DPY19L4: variants seen among roughly 807,000 people sequenced by gnomAD.
DPY19L4 encodes the protein probable C-mannosyltransferase DPY19L4.
DPY19L4 carries 97 observed loss-of-function variants against 102.8 expected under a neutral mutation model. That is an observed-to-expected ratio of 0.94 (90% CI 0.80 to 1.12). The LOEUF is 1.12. Among genes scored for constraint, DPY19L4 ranks in the 50% most tolerant of loss-of-function variants. The probability of loss-of-function intolerance (pLI) is 0.00; values close to 1 mark genes in which losing one functional copy is unlikely to be tolerated. For synonymous variants in DPY19L4, 252 were observed against 283.1 expected, an observed-to-expected ratio of 0.89 and a Z score of 1.10; for missense variants, 815 against 850.4, an observed-to-expected ratio of 0.96 and a Z score of 0.52.
chr8:94,755,741 C>T (rs1194740858), intron 6 of DPY19L4, among the ~76,000 whole-genome samples: 6 of 152,130 alleles, frequency 3.9e-5, no homozygotes, highest in South Asian at 4.1e-4. Context: ...AAAAATTAGC[C>T]GGGTGTGGTG....
intron 13 of DPY19L4, among the ~76,000 whole-genome samples, chr8:94,776,560 C>G (rs1223470697): frequency 6.7e-6 from 1 of 149,868 alleles, no homozygotes; most frequent in Non-Finnish European, 1.5e-5. Context: ...TTGCATTTTG[C>G]TTTTTATAAT....
intron 10 of DPY19L4, 82 bp downstream of exon 10, chr8:94,765,891 GAT>G (rs1432009703): frequency 4.5e-6 from 4 of 887,732 alleles, no homozygotes; most frequent in African/African-American, 1.7e-5. Flanking sequence ...AGAATAATGA[GAT>G]AGCACGTAAT....
intron 6 of DPY19L4, among the ~76,000 whole-genome samples, chr8:94,746,135 C>T (rs1406694028): frequency 7.1e-6 from 1 of 140,252 alleles, no homozygotes; most frequent in African/African-American, 2.7e-5. Flanking sequence ...GATCTTGGCT[C>T]ACTACAATGT....
In DPY19L4 at chr8:94,770,023, G is replaced by A. The variant is rs139007932; in HGVS notation, c.1335-429G>A. On this transcript the variant is annotated intron_variant, in intron 12 of 18. Coordinates refer to ENST00000414645, the MANE Select transcript of DPY19L4 (RefSeq NM_181787.3). Reference sequence around the variant, plus strand: ...TTGCCTCAACCTCCGGAGTAGCTAAGATTACAGGCATGTGCCACCATGCCC... The same window carrying A: ...TTGCCTCAACCTCCGGAGTAGCTAAAATTACAGGCATGTGCCACCATGCCC... Among the ~76,000 whole-genome samples the A allele has an allele frequency of 1.2e-3, 180 of 151,640 alleles. 5 individuals carry two copies. The East Asian group carries it at 0.031, about 26-fold the overall frequency.
In DPY19L4 at chr8:94,737,025, A is replaced by G. The variant is rs1811216829; in HGVS notation, c.253-1344A>G. ...CATTTTAAACCTTAATGTTTCATTA[A>G]AATTATTGCCAGATTACTAAAAAGT... is the stretch of plus-strand genomic sequence containing the variant. On this transcript the variant is annotated intron_variant, in intron 3 of 18. Coordinates refer to ENST00000414645, the MANE Select transcript of DPY19L4 (RefSeq NM_181787.3). Among the ~76,000 whole-genome samples, 3 of 152,184 alleles carry G rather than the reference A, an allele frequency of 2.0e-5. No individual in the cohort carries two copies. The South Asian group carries it at 6.2e-4, about 31-fold the overall frequency.
chr8:94,733,412 A>C (rs1312013332), intron 2 of DPY19L4, among the ~76,000 whole-genome samples: 1 of 152,154 alleles, frequency 6.6e-6, no homozygotes, highest in South Asian at 2.1e-4. Flanking sequence ...GGTGTGAGCC[A>C]CCGTGCCAGG....
chr8:94,753,584 T>C (rs1008371660), intron 6 of DPY19L4, among the ~76,000 whole-genome samples: 6 of 152,096 alleles, frequency 3.9e-5, no homozygotes, highest in African/African-American at 1.4e-4. Flanking sequence ...TGCAGATGAC[T>C]TGACATAAGA....
At position 94,770,518 on chromosome 8, in the gene DPY19L4, T is replaced by C; in HGVS notation, c.1401T>C (p.Ile467=). Residue 467 remains isoleucine, a synonymous_variant, in exon 13 of 19, where the codon ATT becomes ATC. Coordinates refer to ENST00000414645, the MANE Select transcript of DPY19L4 (RefSeq NM_181787.3). ...GAATTGGAGAAAGACCAGAAATAAT[T>C]TATCATGTAATTCACACTATTTTAT... ...DGRIGERPEI[I]YHVIHTILLG... The C allele has an allele frequency of 6.2e-7, 1 of 1,613,894 alleles. No individual in the cohort carries two copies. Among genetic ancestry groups the C allele is most frequent in the Non-Finnish European group, 8.5e-7 (1 of 1,179,918 alleles).
At chr8:94,742,068 A>T (rs2130825798) in intron 6 of DPY19L4, among the ~76,000 whole-genome samples, 1 of 152,312 alleles carries the variant, frequency 6.6e-6, no homozygotes, top group East Asian at 1.9e-4. Flanking sequence ...AGAAAATCTT[A>T]TATTTTATGG....
Position 94,765,247 on chromosome 8 carries a change from A to G in DPY19L4, c.935A>G (p.Asn312Ser), listed in dbSNP as rs1273561453. ...LFLGYLLQFE[N>S]PALLVSPLLS... is the part of the protein sequence containing the mutation. ...CTGGGATATTTACTACAGTTTGAGA[A>G]TCCAGCTTTGTTGGTATCTCCTTTA... Residue 312 changes from asparagine (N) to serine (S), a missense_variant, in exon 9 of 19, where the codon AAT becomes AGT. Asn to Ser is a conservative substitution (Grantham distance 46). Transcript: ENST00000414645. The G allele has an allele frequency of 5.0e-6, 8 of 1,610,108 alleles. No homozygotes were observed. Among genetic ancestry groups the G allele is most frequent in the Non-Finnish European group, 6.8e-6 (8 of 1,178,974 alleles).
chr8:94,791,261 G>A lies in DPY19L4; in HGVS notation c.*1351G>A, dbSNP rs1321940577. ...CTTTATTTTCTGTTATATATGTGTT[G>A]TAAAAGTACACTACATTAGAAGGGA... On this transcript the variant is annotated 3_prime_UTR_variant, in exon 19 of 19. Transcript: ENST00000414645. 6.6e-6 allele frequency: 1 copy of A among 152,118 alleles called. No individual in the cohort carries two copies. The highest frequency in any genetic ancestry group is 6.5e-5 in the Admixed American group (1 of 15,270). 9.4% of individuals were successfully genotyped at this position (152,118 alleles called of 1,614,324 possible). A position where few individuals can be genotyped will look rare whatever the true frequency, so the allele number is the denominator to read the frequency against.
At chr8:94,731,921 C>T (rs903835741) in intron 2 of DPY19L4, among the ~76,000 whole-genome samples, 2 of 152,106 alleles carry the variant, frequency 1.3e-5, no homozygotes, top group African/African-American at 4.8e-5. Context: ...GTGCCCGCCA[C>T]CACACCTGGC....
At chr8:94,764,531 G>C (rs1341141231) in intron 8 of DPY19L4, among the ~76,000 whole-genome samples, 2 of 144,214 alleles carry the variant, frequency 1.4e-5, no homozygotes, top group African/African-American at 2.6e-5. Context: ...AGCCGAGATC[G>C]CGCCACTGCA....
At chr8:94,781,635 A>G (rs531087013) in intron 16 of DPY19L4, among the ~76,000 whole-genome samples, 1 of 152,324 alleles carries the variant, frequency 6.6e-6, no homozygotes, top group South Asian at 2.1e-4. Context: ...AGGGACCCTC[A>G]AAAGGCTACA....
At chr8:94,739,329 A>C in intron 4 of DPY19L4, 84 bp from the exon 5 acceptor site, 18 of 1,422,952 alleles carry the variant, frequency 1.3e-5, no homozygotes, top group Non-Finnish European at 1.7e-5. Flanking sequence ...CTTGATAACA[A>C]TATTAAATAT....
chr8:94,736,305 G>T (rs969199143), intron 3 of DPY19L4, among the ~76,000 whole-genome samples: 6 of 152,162 alleles, frequency 3.9e-5, no homozygotes, highest in African/African-American at 1.4e-4. Context: ...CATGTATTCA[G>T]ATCACAGCAA....
intron 16 of DPY19L4, among the ~76,000 whole-genome samples, chr8:94,782,861 G>A (rs1170434302): frequency 6.6e-6 from 1 of 152,082 alleles, no homozygotes; most frequent in African/African-American, 2.4e-5. Flanking sequence ...AAAAGAGGAA[G>A]TTACATCTCT....
intron 8 of DPY19L4, among the ~76,000 whole-genome samples, chr8:94,763,781 C>T (rs1165875485): frequency 6.6e-6 from 1 of 152,036 alleles, no homozygotes; most frequent in African/African-American, 2.4e-5. Flanking sequence ...TCTCTTTGGC[C>T]TCCCACAGTG....
At chr8:94,763,768 C>T (rs527864704) in intron 8 of DPY19L4, among the ~76,000 whole-genome samples, 89 of 152,032 alleles carry the variant, frequency 5.9e-4, no homozygotes, top group African/African-American at 2.0e-3. Flanking sequence ...TCAAGTGATC[C>T]GCTCTCTTTG....
Sources: allele counts gnomAD v4.1 joint callset (sites outside exome capture counted in the v4.1 genomes callset), GRCh38; gene constraint gnomAD v4.1.1; transcripts MANE v1.5; gene names NCBI Gene and HGNC (gene_info 2026-07-23, HGNC 2026-07-21).